Variants in SYNGR1 observed in about 807,000 individuals in gnomAD.
SYNGR1 encodes the protein synaptogyrin 1.
SYNGR1 carries 14 observed loss-of-function variants against 26.1 expected under a neutral mutation model. The observed-to-expected ratio is 0.54, with a 90% CI of 0.35 to 0.84. SYNGR1 has a LOEUF of 0.84. SYNGR1 is among the 40% of genes least tolerant of loss of function. The probability of loss-of-function intolerance (pLI) is 0.01; values close to 1 mark genes in which losing one functional copy is unlikely to be tolerated. For missense variants in SYNGR1, 319 were observed against 332.9 expected (o/e 0.96, Z 0.33); for synonymous variants, 141 against 150.1 (o/e 0.94, Z 0.44).
intron 1 of SYNGR1, among the ~76,000 whole-genome samples, chr22:39,360,769 G>C (rs1482375432): frequency 6.6e-6 from 1 of 152,190 alleles, no homozygotes; most frequent in Non-Finnish European, 1.5e-5. Flanking sequence ...GGTGACACCA[G>C]CGTTGAGTCA....
chr22:39,370,937 A>G (rs1377411360), intron 1 of SYNGR1, among the ~76,000 whole-genome samples: 1 of 152,108 alleles, frequency 6.6e-6, no homozygotes, highest in East Asian at 1.9e-4. Context: ...TAAACTTTTA[A>G]TCGTGCTCCT....
chr22:39,381,848 C>G lies in SYNGR1; in HGVS notation c.636C>G (p.Gly212=), dbSNP rs1378021877. 6.2e-7 allele frequency: 1 copy of G among 1,612,960 alleles called. No homozygotes were observed. Among genetic ancestry groups the G allele is most frequent in the South Asian group, 1.1e-5 (1 of 91,072 alleles). The change falls in exon 4 of 4, where the codon GGC becomes GGG. Residue 212 remains glycine, a synonymous_variant. Coordinates refer to ENST00000328933, the MANE Select transcript of SYNGR1 (RefSeq NM_004711.5). ...GGCCGGATCCCGCCGGTATGGGCGG[C>G]ACCTACCAGCAGCCGGCCAACACCT... ...PTGPDPAGMG[G]TYQQPANTFD...
At chr22:39,355,737 G>T (rs370486311) in intron 1 of SYNGR1, among the ~76,000 whole-genome samples, 1 of 152,218 alleles carries the variant, frequency 6.6e-6, no homozygotes, top group Non-Finnish European at 1.5e-5. Flanking sequence ...GCAAATTTTG[G>T]CCAGGTGTGG....
intron 1 of SYNGR1, among the ~76,000 whole-genome samples, chr22:39,373,883 C>T (rs1455087954): frequency 6.6e-6 from 1 of 152,234 alleles, no homozygotes; most frequent in Non-Finnish European, 1.5e-5. Context: ...AAGGAGAACA[C>T]AAGATGGGGC....
Position 39,374,321 on chromosome 22 carries a change from C to T in SYNGR1, c.105C>T (p.Phe35=). 6.2e-7 allele frequency: 1 copy of T among 1,613,918 alleles called. No homozygotes were observed. The change falls in exon 2 of 4, where the codon TTC becomes TTT. Residue 35 remains phenylalanine, a synonymous_variant. Coordinates refer to ENST00000328933, the MANE Select transcript of SYNGR1 (RefSeq NM_004711.5). ...HTILRVVSWL[F]SIVVFGSIVN... ...TGTGGCCCCACCCCCGACAGCTGTT[C>T]TCCATAGTGGTGTTCGGCTCCATCG...
rs189923619 is a variant in SYNGR1, at chr22:39,354,707, C to T, written c.99+4598C>T. Reference sequence around the variant, plus strand: ...TACAAAAATTAGCTGAGCGTGGTGGCGGTCGCCTGTTATCCCAGCTACTCA... The same window carrying T: ...TACAAAAATTAGCTGAGCGTGGTGGTGGTCGCCTGTTATCCCAGCTACTCA... On this transcript the variant is annotated intron_variant, in intron 1 of 3. Transcript: ENST00000328933. 5.8e-3 allele frequency among the ~76,000 whole-genome samples: 886 copies of T among 152,218 alleles called. 7 individuals carry two copies. The highest frequency in any genetic ancestry group is 0.01 in the Middle Eastern group (3 of 294).
intron 3 of SYNGR1, among the ~76,000 whole-genome samples, chr22:39,378,615 T>C (rs1670543417): frequency 6.6e-6 from 1 of 152,190 alleles, no homozygotes. Flanking sequence ...CCCAAAGCAA[T>C]GCCTCAACCC....
chr22:39,359,718 C>T (rs1353011718), intron 1 of SYNGR1, among the ~76,000 whole-genome samples: 1 of 151,216 alleles, frequency 6.6e-6, no homozygotes, highest in Non-Finnish European at 1.5e-5. Flanking sequence ...CAGTCCTGGT[C>T]ATTGGAGTGT....
rs1256282335 is a variant in SYNGR1 at position 39,350,145 on chromosome 22, G to A, written c.99+36G>A. The A allele has an allele frequency of 1.5e-6, 2 of 1,352,758 alleles. No individual in the cohort carries two copies. The highest frequency in any genetic ancestry group is 1.9e-6 in the Non-Finnish European group (2 of 1,029,472). 83.8% of individuals were successfully genotyped at this position (1,352,758 alleles called of 1,614,324 possible). ...ACTGGCCGACGGCTCTGCCAGGCCG[G>A]GGTGGTGGGGGTGTGAGCAAAGGCG... is the stretch of plus-strand genomic sequence containing the variant. On this transcript the variant is annotated intron_variant, in intron 1 of 3. Transcript: ENST00000328933. The surrounding 1 kb of genome is among the most constrained non-coding windows in gnomAD (Gnocchi z 4.3).
intron 1 of SYNGR1, among the ~76,000 whole-genome samples, chr22:39,366,958 G>T (rs1274694134): frequency 6.6e-6 from 1 of 152,086 alleles, no homozygotes; most frequent in African/African-American, 2.4e-5. Flanking sequence ...CCTATCGTGC[G>T]GGCCTCCATG....
chr22:39,362,144 G>A lies in SYNGR1; in HGVS notation c.99+12035G>A, dbSNP rs755464675. 3.8e-4 allele frequency among the ~76,000 whole-genome samples: 57 copies of A among 151,818 alleles called. 2 individuals are homozygous for A. Among genetic ancestry groups the A allele is most frequent in the Admixed American group, 3.5e-3 (54 of 15,240 alleles). On this transcript the variant is annotated intron_variant, in intron 1 of 3. Coordinates refer to ENST00000328933, the MANE Select transcript of SYNGR1 (RefSeq NM_004711.5). ...ATTACACCCATGAGCCACCGTGCCC[G>A]GCCAATTTCCCCCTTTTTCTTGAGG...
chr22:39,365,591 C>T (rs1924705267), intron 1 of SYNGR1, among the ~76,000 whole-genome samples: 1 of 152,146 alleles, frequency 6.6e-6, no homozygotes, highest in Non-Finnish European at 1.5e-5. Context: ...TGGGGTACAG[C>T]TGCTAAATGG....
chr22:39,368,926 G>T (rs1924894987), intron 1 of SYNGR1, among the ~76,000 whole-genome samples: 1 of 152,198 alleles, frequency 6.6e-6, no homozygotes, highest in African/African-American at 2.4e-5. Context: ...GGCTTCCAAA[G>T]CTCTGCTCTG....
chr22:39,359,499 C>CG (rs1484145757), intron 1 of SYNGR1, among the ~76,000 whole-genome samples: 2 of 151,480 alleles, frequency 1.3e-5, no homozygotes, highest in Non-Finnish European at 2.9e-5. Context: ...GGTGTGGTGG[C>CG]GGGGGCCTGT....
intron 1 of SYNGR1, among the ~76,000 whole-genome samples, chr22:39,360,766 CCAGCGTTGAGT>C (rs1211232099): frequency 6.6e-6 from 1 of 152,110 alleles, no homozygotes; most frequent in East Asian, 1.9e-4. Context: ...GCAGGTGACA[CCAGCGTTGAGT>C]CAGCGTTGAG....
At chr22:39,358,738 C>T (rs1348659125) in intron 1 of SYNGR1, among the ~76,000 whole-genome samples, 1 of 152,120 alleles carries the variant, frequency 6.6e-6, no homozygotes, top group Non-Finnish European at 1.5e-5. Context: ...CGAGAGGGTC[C>T]GCGGCTTCAT....
chr22:39,380,914 C>CAA, intron 3 of SYNGR1, among the ~76,000 whole-genome samples: 1 of 152,172 alleles, frequency 6.6e-6, no homozygotes, highest in Non-Finnish European at 1.5e-5. Flanking sequence ...AGTTGTCGCG[C>CAA]CTGGCCTCTC....
At position 39,370,200 on chromosome 22, in the gene SYNGR1, G is replaced by A. The variant is rs372383327; in HGVS notation, c.100-4116G>A. ...AGGCTGGAGTGCAGTGGCGAATCTCGGCTCACTGCAACCTCTACCTCCCAG... is the reference window on the plus strand; with the variant it reads ...AGGCTGGAGTGCAGTGGCGAATCTCAGCTCACTGCAACCTCTACCTCCCAG... On this transcript the variant is annotated intron_variant, in intron 1 of 3. Transcript: ENST00000328933. 2.8e-4 allele frequency among the ~76,000 whole-genome samples: 42 copies of A among 151,550 alleles called. No individual in the cohort carries two copies. The East Asian group carries it at 6.1e-3, about 22-fold the overall frequency.
intron 1 of SYNGR1, among the ~76,000 whole-genome samples, chr22:39,358,831 A>G (rs1201216181): frequency 6.6e-6 from 1 of 152,214 alleles, no homozygotes; most frequent in African/African-American, 2.4e-5. Flanking sequence ...CTGGAAGGGC[A>G]GTCATGCCCT....
Sources: gnomAD v4.1 joint callset for allele counts (sites outside exome capture counted in the v4.1 genomes callset) on GRCh38, gnomAD v4.1.1 for gene constraint, Gnocchi (gnomAD v3.1) non-coding constraint, MANE v1.5 for transcripts, NCBI Gene and HGNC (gene_info 2026-07-23, HGNC 2026-07-21) for gene names.